Variants in UBXN10 observed in about 807,000 individuals in gnomAD.
UBXN10 encodes UBX domain protein 10.
Under a neutral mutation model 6.9 loss-of-function variants are expected in UBXN10, and 6 were observed. The observed-to-expected ratio is 0.87, with a 90% CI of 0.48 to 1.72. The LOEUF is 1.72. Ranked by LOEUF, UBXN10 falls within the 40% of genes most tolerant of loss-of-function variation. The pLI, the probability that UBXN10 is intolerant of heterozygous loss-of-function variation, is 0.01. For missense variants in UBXN10, 317 were observed against 348.4 expected, an observed-to-expected ratio of 0.91 and a Z score of 0.72; for synonymous variants, 131 against 135.2, an observed-to-expected ratio of 0.97 and a Z score of 0.21.
upstream of UBXN10, among the ~76,000 whole-genome samples, chr1:20,185,687 T>C (rs371587577): frequency 6.6e-6 from 1 of 152,080 alleles, no homozygotes; most frequent in Non-Finnish European, 1.5e-5. Flanking sequence ...ACTCAGAGTT[T>C]AGGGTTCCGA....
At chr1:20,185,142 A>AAAAAGGAAG (rs1439088280), upstream of UBXN10, among the ~76,000 whole-genome samples, 1 of 152,128 alleles carries the variant, frequency 6.6e-6, no homozygotes, top group Non-Finnish European at 1.5e-5. Flanking sequence ...TCTCCCCTTA[A>AAAAAGGAAG]AAAAGGAAGA....
upstream of UBXN10, chr1:20,184,639 G>C (rs993354514): frequency 2.6e-5 from 4 of 152,336 alleles, no homozygotes; most frequent in African/African-American, 9.6e-5. Context: ...GAGAGAATCA[G>C]AAGACATTAG....
Position 20,190,605 on chromosome 1 carries a change from G to A in UBXN10, c.44G>A (p.Ser15Asn). Residue 15 changes from serine to asparagine, a missense_variant, in exon 2 of 2, where the codon AGC (serine) becomes AAC (asparagine). Ser to Asn is a conservative substitution (Grantham distance 46, BLOSUM62 1). Transcript: ENST00000375099. The stretch of plus-strand genomic sequence containing the variant: ...GTGAATATAGCACCACCTGAGTGTA[G>A]CACTGTTGTCAGCACAGCAGTTGAC... Reference protein sequence around the residue: ...APVNIAPPECSTVVSTAVDSL... With the variant: ...APVNIAPPECNTVVSTAVDSL... 6.2e-7 allele frequency: 1 copy of A among 1,614,172 alleles called. No homozygotes were observed. The highest frequency in any genetic ancestry group is 1.1e-5 in the South Asian group (1 of 91,084).
upstream of UBXN10, among the ~76,000 whole-genome samples, chr1:20,185,825 G>GCTCTCCCTCTCCCAGACA (rs1553184934): frequency 6.6e-6 from 1 of 152,180 alleles, no homozygotes; most frequent in African/African-American, 2.4e-5. Context: ...CCCGGCCAGG[G>GCTCTCCCTCTCCCAGACA]CTCTCCCTCT....
rs1006813353 is a variant in UBXN10, at chr1:20,187,048, G to A, written c.-16+895G>A. On this transcript the variant is annotated intron_variant, in intron 1 of 1. Transcript: ENST00000375099. This position sits in a 1 kb window ranked among gnomAD's most constrained non-coding sequence, Gnocchi z 4.6. ...CTGTAGGCTTAGATTTGGGTTGTGA[G>A]TGAAATAGGGTGGTCTGACCCTGTG... Among the ~76,000 whole-genome samples the A allele has an allele frequency of 3.9e-5, 6 of 152,248 alleles. No individual in the cohort carries two copies. The highest frequency in any genetic ancestry group is 7.3e-5 in the Non-Finnish European group (5 of 68,036).
upstream of UBXN10, among the ~76,000 whole-genome samples, chr1:20,185,916 G>A (rs998168478): frequency 6.6e-6 from 1 of 152,170 alleles, no homozygotes; most frequent in African/African-American, 2.4e-5. Context: ...GGTCCCTGTC[G>A]CCTCCAGGCC....
intron 1 of UBXN10, among the ~76,000 whole-genome samples, chr1:20,189,658 G>A (rs557689066): frequency 6.6e-6 from 1 of 152,262 alleles, no homozygotes; most frequent in East Asian, 1.9e-4. Flanking sequence ...AACCTGGGAG[G>A]CGGAGATTGC....
At position 20,193,401 on chromosome 1, in the gene UBXN10, A is replaced by T. The variant is rs2018543592; in HGVS notation, c.*1997A>T. 1.2e-5 allele frequency: 2 copies of T among 167,114 alleles called. No homozygotes were observed. The allele number at this position is 167,114 out of a possible 1,614,324, so 10.4% of individuals were successfully genotyped here. A position where few individuals can be genotyped will look rare whatever the true frequency, so the allele number is the denominator to read the frequency against. On this transcript the variant is annotated 3_prime_UTR_variant, in exon 2 of 2. Transcript: ENST00000375099. ...AAAAAGTGGAAGGCATAAGCATAGA[A>T]ATATTTTAGGATATTTTAGGATATG...
At chr1:20,189,485 C>G (rs539931531) in intron 1 of UBXN10, among the ~76,000 whole-genome samples, 1 of 152,118 alleles carries the variant, frequency 6.6e-6, no homozygotes, top group African/African-American at 2.4e-5. Context: ...GAAATGTTCA[C>G]GCCTCCCACC....
rs2018572974 is a variant in UBXN10 at position 20,194,763 on chromosome 1, C to A, written c.*3359C>A. ...TCATAATAAGTTCGGATAAAAGAGACTTTTACATGGTAAGAGGATCTACTT... is the reference window on the plus strand; with the variant it reads ...TCATAATAAGTTCGGATAAAAGAGAATTTTACATGGTAAGAGGATCTACTT... On this transcript the variant is annotated 3_prime_UTR_variant, in exon 2 of 2. Transcript: ENST00000375099. The A allele has an allele frequency of 6.0e-6, 1 of 167,068 alleles. No homozygotes were observed. Among genetic ancestry groups the A allele is most frequent in the Non-Finnish European group, 1.5e-5 (1 of 68,118 alleles). 10.3% of individuals were successfully genotyped at this position (167,068 alleles called of 1,614,324 possible). A position where few individuals can be genotyped will look rare whatever the true frequency, so the allele number is the denominator to read the frequency against.
rs1234254746 is a variant in UBXN10, at chr1:20,194,691, C to G, written c.*3287C>G. 6.0e-6 allele frequency: 1 copy of G among 167,082 alleles called. No individual in the cohort carries two copies. The highest frequency in any genetic ancestry group is 2.4e-5 in the African/African-American group (1 of 41,458). The allele number at this position is 167,082 out of a possible 1,614,324, so 10.3% of individuals were successfully genotyped here. A position where few individuals can be genotyped will look rare whatever the true frequency, so the allele number is the denominator to read the frequency against. On this transcript the variant is annotated 3_prime_UTR_variant, in exon 2 of 2. Coordinates refer to ENST00000375099, the MANE Select transcript of UBXN10 (RefSeq NM_152376.5). ...AATGTCAAATAAAGCCACCCTGCCT[C>G]TTGGGACAAAGATGTTTCTCTTTAC...
rs1334722335 is a variant in UBXN10, at chr1:20,187,046, G to A, written c.-16+893G>A. ...TACTGTAGGCTTAGATTTGGGTTGT[G>A]AGTGAAATAGGGTGGTCTGACCCTG... On this transcript the variant is annotated intron_variant, in intron 1 of 1. Coordinates refer to ENST00000375099, the MANE Select transcript of UBXN10 (RefSeq NM_152376.5). This position sits in a 1 kb window ranked among gnomAD's most constrained non-coding sequence, Gnocchi z 4.6. Among the ~76,000 whole-genome samples, 2 of 152,242 alleles carry A rather than the reference G, an allele frequency of 1.3e-5. No individual in the cohort carries two copies. Among genetic ancestry groups the A allele is most frequent in the Admixed American group, 6.5e-5 (1 of 15,290 alleles).
Position 20,195,831 on chromosome 1 carries a change from G to A in UBXN10, c.*4427G>A, listed in dbSNP as rs1263161114. On this transcript the variant is annotated 3_prime_UTR_variant, in exon 2 of 2. Transcript: ENST00000375099. ...TTAAAAGTATCATCTACCTCTAGGG[G>A]TATGATATGACTGCTGACCAAGGTT... 2 of 167,080 alleles carry A rather than the reference G, an allele frequency of 1.2e-5. No individual in the cohort carries two copies. Among genetic ancestry groups the A allele is most frequent in the South Asian group, 2.1e-4 (1 of 4,826 alleles). 10.3% of individuals were successfully genotyped at this position (167,080 alleles called of 1,614,324 possible). A position where few individuals can be genotyped will look rare whatever the true frequency, so the allele number is the denominator to read the frequency against.
chr1:20,185,428 G>A (rs1270282362), upstream of UBXN10, among the ~76,000 whole-genome samples: 6 of 152,150 alleles, frequency 3.9e-5, no homozygotes, highest in East Asian at 9.6e-4. Context: ...GGGGGAAAGC[G>A]GAGACAGCAA....
Position 20,193,160 on chromosome 1 carries a change from A to C in UBXN10, c.*1756A>C, listed in dbSNP as rs2018540046. 6.0e-6 allele frequency: 1 copy of C among 166,906 alleles called. No individual in the cohort carries two copies. The allele number at this position is 166,906 out of a possible 1,614,324, so 10.3% of individuals were successfully genotyped here. On this transcript the variant is annotated 3_prime_UTR_variant, in exon 2 of 2. Coordinates refer to ENST00000375099, the MANE Select transcript of UBXN10 (RefSeq NM_152376.5). ...CTTCCCACCAGGACTTGAGCACATA[A>C]CTCTATGTCTGATCTAGGAGGCTGG...
rs1315326508 is a variant in UBXN10 at position 20,191,540 on chromosome 1, T to C, written c.*136T>C. On this transcript the variant is annotated 3_prime_UTR_variant, in exon 2 of 2. Coordinates refer to ENST00000375099, the MANE Select transcript of UBXN10 (RefSeq NM_152376.5). This position sits in a 1 kb window ranked among gnomAD's most constrained non-coding sequence, Gnocchi z 4.5. ...GGAAGCTTGGGACTCTCGTCTGCACTGCGTGTCCTCTGAAGCAGTGAAGTC... is the reference window on the plus strand; with the variant it reads ...GGAAGCTTGGGACTCTCGTCTGCACCGCGTGTCCTCTGAAGCAGTGAAGTC... 2 of 1,356,514 alleles carry C rather than the reference T, an allele frequency of 1.5e-6. No homozygotes were observed. The highest frequency in any genetic ancestry group is 2.5e-5 in the Admixed American group (1 of 39,634). The allele number at this position is 1,356,514 out of a possible 1,614,324, so 84.0% of individuals were successfully genotyped here.
intron 1 of UBXN10, among the ~76,000 whole-genome samples, chr1:20,188,142 A>C (rs752633679): frequency 3.1e-4 from 47 of 152,248 alleles, no homozygotes; most frequent in Non-Finnish European, 6.5e-4. Flanking sequence ...AGACTTGAGA[A>C]GGAGACTAAA....
chr1:20,191,410 CA>C lies in UBXN10; in HGVS notation c.*7del. ...ATGGGGAAGGGTGGCCCTGAGTCCA[CA>C]GCCACCCAGCTGAGGTCCTGGGTCT... On this transcript the variant is annotated 3_prime_UTR_variant, in exon 2 of 2. Coordinates refer to ENST00000375099, the MANE Select transcript of UBXN10 (RefSeq NM_152376.5). This position sits in a 1 kb window ranked among gnomAD's most constrained non-coding sequence, Gnocchi z 4.5. 1.2e-6 allele frequency: 2 copies of C among 1,603,914 alleles called. No individual in the cohort carries two copies. Among genetic ancestry groups the C allele is most frequent in the African/African-American group, 2.7e-5 (2 of 74,786 alleles).
At chr1:20,190,444 A>G in intron 1 of UBXN10, 103 bp from the exon 2 acceptor site, 2 of 1,449,504 alleles carry the variant, frequency 1.4e-6, no homozygotes, top group Non-Finnish European at 9.2e-7. Flanking sequence ...ACTAGATGCC[A>G]GAAATTTGTG....
Sources: gnomAD v4.1 joint callset for allele counts (sites outside exome capture counted in the v4.1 genomes callset) on GRCh38, gnomAD v4.1.1 for gene constraint, Gnocchi (gnomAD v3.1) non-coding constraint, MANE v1.5 for transcripts, NCBI Gene and HGNC (gene_info 2026-07-23, HGNC 2026-07-21) for gene names.